SLC71A2: variants seen among roughly 807,000 people sequenced by gnomAD.
SLC71A2 encodes hippocampus abundant transcript-like 1.
chr9:94,394,073 A>G, the SLC71A2 span, among the ~76,000 whole-genome samples: 1 of 148,642 alleles, frequency 6.7e-6, no homozygotes, highest in Non-Finnish European at 1.5e-5. Context: ...TGGTAGAGAT[A>G]AGAATATTTA....
the SLC71A2 span, among the ~76,000 whole-genome samples, chr9:94,436,662 CCAGA>C: frequency 1.3e-5 from 2 of 152,016 alleles, no homozygotes; most frequent in Non-Finnish European, 2.9e-5. Context: ...AGGTATTTCC[CCAGA>C]CAATGAAGCT....
chr9:94,405,601 A>G, the SLC71A2 span, among the ~76,000 whole-genome samples: 1 of 152,062 alleles, frequency 6.6e-6, no homozygotes, highest in Non-Finnish European at 1.5e-5. Context: ...CTCAGTAGGT[A>G]GAAATACAGG....
the SLC71A2 span, among the ~76,000 whole-genome samples, chr9:94,409,941 G>C: frequency 5.2e-5 from 7 of 135,480 alleles, no homozygotes; most frequent in Admixed American, 8.1e-5. Flanking sequence ...TTTAGTTAGT[G>C]TTCAGTGTTA....
chr9:94,382,576 C>A, the SLC71A2 span, among the ~76,000 whole-genome samples: 1 of 151,904 alleles, frequency 6.6e-6, no homozygotes, highest in Non-Finnish European at 1.5e-5. Context: ...TGAAATTTAT[C>A]AATTTGCTCT....
the SLC71A2 span, among the ~76,000 whole-genome samples, chr9:94,449,729 T>TAC: frequency 6.6e-6 from 1 of 152,370 alleles, no homozygotes; most frequent in Non-Finnish European, 1.5e-5. Context: ...TAGGTATATA[T>TAC]ACCCATGAGA....
chr9:94,460,317 T>TGCTTCTTCCCATGTCTTCC, the SLC71A2 span: 2 of 152,688 alleles, frequency 1.3e-5, no homozygotes, highest in African/African-American at 4.8e-5. Context: ...TATTATGATT[T>TGCTTCTTCCCATGTCTTCC]GCTTCTTCCC....
At chr9:94,442,396 C>T in the SLC71A2 span, among the ~76,000 whole-genome samples, 26 of 150,094 alleles carry the variant, frequency 1.7e-4, no homozygotes, top group South Asian at 8.3e-4. Context: ...TCTACCTTCC[C>T]TCTCTCTCTC....
chr9:94,428,602 T>C, the SLC71A2 span, among the ~76,000 whole-genome samples: 1,136 of 116,916 alleles, frequency 9.7e-3, 23 homozygotes, highest in African/African-American at 0.039. Flanking sequence ...CCCCCCCCCT[T>C]TTTTTTTTTT....
At chr9:94,411,782 G>C in the SLC71A2 span, among the ~76,000 whole-genome samples, 12 of 151,974 alleles carry the variant, frequency 7.9e-5, no homozygotes, top group East Asian at 2.3e-3. Flanking sequence ...GTAGAGATGG[G>C]GTTTCACCAT....
the SLC71A2 span, among the ~76,000 whole-genome samples, chr9:94,435,201 T>C: frequency 6.6e-6 from 1 of 152,210 alleles, no homozygotes; most frequent in Non-Finnish European, 1.5e-5. Context: ...ATTCTCCAGC[T>C]ACTCTGTAGG....
At chr9:94,418,757 CT>C in the SLC71A2 span, among the ~76,000 whole-genome samples, 29,136 of 131,054 alleles carry the variant, frequency 0.22, 3,229 homozygotes, top group Middle Eastern at 0.31. Context: ...TCCTTTAATT[CT>C]TTTTTTTTTT....
At chr9:94,428,014 C>T in the SLC71A2 span, among the ~76,000 whole-genome samples, 21 of 151,772 alleles carry the variant, frequency 1.4e-4, no homozygotes, top group African/African-American at 3.9e-4. Context: ...CCCAGCTACT[C>T]GGGAGGATGA....
the SLC71A2 span, among the ~76,000 whole-genome samples, chr9:94,449,091 A>C: frequency 6.6e-6 from 1 of 152,218 alleles, no homozygotes; most frequent in Non-Finnish European, 1.5e-5. Context: ...TAGGAAGATG[A>C]GACAGTCCAA....
At chr9:94,378,714 G>A in the SLC71A2 span, among the ~76,000 whole-genome samples, 1 of 152,148 alleles carries the variant, frequency 6.6e-6, no homozygotes, top group South Asian at 2.1e-4. Flanking sequence ...CAGCCCCCAT[G>A]ACCCAAACAG....
chr9:94,403,252 T>G, the SLC71A2 span, among the ~76,000 whole-genome samples: 1 of 152,174 alleles, frequency 6.6e-6, no homozygotes, highest in African/African-American at 2.4e-5. Context: ...TTCTCTTGCC[T>G]CAGCCTCTCA....
chr9:94,416,267 C>G, the SLC71A2 span, among the ~76,000 whole-genome samples: 4 of 152,090 alleles, frequency 2.6e-5, no homozygotes, highest in Non-Finnish European at 5.9e-5. Context: ...TTAGGCCCAG[C>G]TATTCAGTAA....
chr9:94,429,140 C>T, the SLC71A2 span: 7 of 1,603,310 alleles, frequency 4.4e-6, no homozygotes, highest in Non-Finnish European at 5.9e-6. Context: ...GAAAATTTTT[C>T]CTTTAACTTA....
At chr9:94,437,147 CTG>C in the SLC71A2 span, among the ~76,000 whole-genome samples, 1 of 143,444 alleles carries the variant, frequency 7.0e-6, no homozygotes, top group African/African-American at 2.6e-5. Flanking sequence ...GTCCAGAAAA[CTG>C]GAAGTATCGC....
At chr9:94,449,940 T>C in the SLC71A2 span, among the ~76,000 whole-genome samples, 2 of 152,190 alleles carry the variant, frequency 1.3e-5, no homozygotes, top group Non-Finnish European at 2.9e-5. Flanking sequence ...GACGACATGC[T>C]CAGAGAAAGA....
Sources: gnomAD v4.1 joint callset for allele counts (sites outside exome capture counted in the v4.1 genomes callset) on GRCh38, gnomAD v4.1.1 for gene constraint, MANE v1.5 for transcripts, NCBI Gene and HGNC (gene_info 2026-07-23, HGNC 2026-07-21) for gene names.